PLEKHG1: variants seen among roughly 807,000 people sequenced by gnomAD.
PLEKHG1 encodes pleckstrin homology domain-containing family G member 1.
PLEKHG1 carries 44 observed loss-of-function variants against 100.8 expected under a neutral mutation model. The observed-to-expected ratio is 0.44, with a 90% confidence interval of 0.34 to 0.56. The LOEUF (loss-of-function observed/expected upper bound fraction) is 0.56, where lower values mean the gene tolerates loss of function less well. Among genes scored for constraint, PLEKHG1 ranks in the 20% least tolerant of loss-of-function variants. The pLI is 0.01. For missense variants in PLEKHG1, 1,545 were observed against 1,720.9 expected, an observed-to-expected ratio of 0.90 and a Z score of 1.81; for synonymous variants, 640 against 662.5, an observed-to-expected ratio of 0.97 and a Z score of 0.52.
At chr6:150,761,828 A>G (rs1784175612) in intron 2 of PLEKHG1, among the ~76,000 whole-genome samples, 1 of 152,118 alleles carries the variant, frequency 6.6e-6, no homozygotes, top group Non-Finnish European at 1.5e-5. Context: ...TTCCTGTTCC[A>G]AGTTTCTTTT....
chr6:150,655,859 C>T (rs1778948943), intron 3 of PLEKHG1, among the ~76,000 whole-genome samples: 1 of 151,772 alleles, frequency 6.6e-6, no homozygotes. Flanking sequence ...GAACAGAAAA[C>T]CAAACACCAC....
At chr6:150,675,271 G>T (rs963683056) in intron 3 of PLEKHG1, among the ~76,000 whole-genome samples, 2 of 152,118 alleles carry the variant, frequency 1.3e-5, no homozygotes, top group Non-Finnish European at 1.5e-5. Flanking sequence ...TTAATCTGCA[G>T]ATGGGCAAAC....
At chr6:150,618,919 G>GA (rs1007585254) in intron 1 of PLEKHG1, among the ~76,000 whole-genome samples, 1 of 152,038 alleles carries the variant, frequency 6.6e-6, no homozygotes, top group Admixed American at 6.6e-5. Flanking sequence ...TCTCTATAAA[G>GA]AAAATTTTTT....
intron 1 of PLEKHG1, among the ~76,000 whole-genome samples, chr6:150,727,847 A>G (rs1053208086): frequency 6.6e-6 from 1 of 152,194 alleles, no homozygotes; most frequent in African/African-American, 2.4e-5. Context: ...AAATTCTTAC[A>G]TTGTTGGCCC....
At chr6:150,679,277 T>A (rs1331776334) in intron 3 of PLEKHG1, among the ~76,000 whole-genome samples, 1 of 152,242 alleles carries the variant, frequency 6.6e-6, no homozygotes, top group Non-Finnish European at 1.5e-5. Flanking sequence ...AATCATATAA[T>A]AAATATTAAG....
intron 11 of PLEKHG1, 40 bp from the exon 13 acceptor site, chr6:150,819,639 G>T (rs1410132506): frequency 1.8e-6 from 2 of 1,093,276 alleles, no homozygotes; most frequent in African/African-American, 3.1e-5. Context: ...AGAAGCCCCT[G>T]ACACCACAGT....
chr6:150,685,776 G>T (rs546646569), intron 3 of PLEKHG1, among the ~76,000 whole-genome samples: 71 of 152,222 alleles, frequency 4.7e-4, no homozygotes, highest in Non-Finnish European at 6.8e-4. Context: ...TAGGTGATAC[G>T]GGGAATTTGC....
chr6:150,729,714 G>A (rs1339479692), intron 1 of PLEKHG1, among the ~76,000 whole-genome samples: 8 of 152,164 alleles, frequency 5.3e-5, no homozygotes, highest in Admixed American at 5.2e-4. Flanking sequence ...TGGTAAGCTT[G>A]GCTAAATGCT....
chr6:150,737,524 C>T (rs1477384999), intron 2 of PLEKHG1, among the ~76,000 whole-genome samples: 1 of 152,002 alleles, frequency 6.6e-6, no homozygotes, highest in Non-Finnish European at 1.5e-5. Context: ...GATCTCCTGA[C>T]CTCATGATCC....
At chr6:150,823,719 G>C (rs1312945037) in intron 14 of PLEKHG1, 43 bp downstream of exon 15, 2 of 1,517,854 alleles carry the variant, frequency 1.3e-6, no homozygotes, top group Admixed American at 1.7e-5. Flanking sequence ...TTCACTTCAG[G>C]CACCTTTCAT....
chr6:150,760,903 G>C (rs757061416), intron 2 of PLEKHG1, among the ~76,000 whole-genome samples: 1 of 151,946 alleles, frequency 6.6e-6, no homozygotes, highest in Admixed American at 6.6e-5. Context: ...TTGTAAAAAG[G>C]CCTCTTATAA....
At chr6:150,627,872 A>G (rs1009095824) in intron 1 of PLEKHG1, among the ~76,000 whole-genome samples, 8 of 152,216 alleles carry the variant, frequency 5.3e-5, no homozygotes, top group African/African-American at 1.4e-4. Flanking sequence ...ACTGAAATCC[A>G]AGATTACATA....
chr6:150,840,931 AT>A lies in PLEKHG1; in HGVS notation c.*39del. The A allele has an allele frequency of 2.0e-6, 3 of 1,488,890 alleles. No homozygotes were observed. In the Admixed American group the frequency reaches 5.1e-5, roughly 26 times the overall value. The allele number at this position is 1,488,890 out of a possible 1,614,324, so 92.2% of individuals were successfully genotyped here. Reference sequence around the variant, plus strand: ...TAATAACTGCTTGAATCAACTTCTTATTTTGCTCATAAAACGTTACAGATAC... The same window carrying A: ...TAATAACTGCTTGAATCAACTTCTTATTTGCTCATAAAACGTTACAGATAC... On this transcript the variant is annotated 3_prime_UTR_variant, in exon 16 of 16. Coordinates refer to ENST00000358517, the Ensembl canonical transcript of PLEKHG1.
chr6:150,737,138 C>T (rs1782600943), intron 2 of PLEKHG1, among the ~76,000 whole-genome samples: 1 of 152,194 alleles, frequency 6.6e-6, no homozygotes, highest in African/African-American at 2.4e-5. Flanking sequence ...TCTGTTTTGG[C>T]TATGAGACCA....
chr6:150,828,159 A>G (rs887929258), intron 14 of PLEKHG1: 81 of 1,613,598 alleles, frequency 5.0e-5, no homozygotes, highest in East Asian at 1.8e-4. Context: ...TCTGCCCACG[A>G]TATTTGTTTA....
chr6:150,611,306 C>T (rs1285813316), intron 1 of PLEKHG1, among the ~76,000 whole-genome samples: 1 of 152,214 alleles, frequency 6.6e-6, no homozygotes, highest in African/African-American at 2.4e-5. Context: ...TTGTTATTCT[C>T]ATATTCAGAA....
At chr6:150,703,615 C>A (rs9480547) in intron 3 of PLEKHG1, among the ~76,000 whole-genome samples, 22,142 of 139,410 alleles carry the variant, frequency 0.16, 2,333 homozygotes, top group African/African-American at 0.37. Context: ...AAAAAAAAAA[C>A]AAAACAACTT....
intron 14 of PLEKHG1, among the ~76,000 whole-genome samples, chr6:150,827,277 CTT>C (rs759695142): frequency 2.8e-4 from 36 of 130,260 alleles, no homozygotes; most frequent in Non-Finnish European, 2.5e-4. Flanking sequence ...AAACTGCTTT[CTT>C]TTTTTTTTTT....
chr6:150,785,114 A>C (rs923679135), intron 3 of PLEKHG1, among the ~76,000 whole-genome samples: 1 of 152,184 alleles, frequency 6.6e-6, no homozygotes, highest in Non-Finnish European at 1.5e-5. Flanking sequence ...ACTGAGAGTA[A>C]ATAATACCTA....
Sources: allele counts gnomAD v4.1 joint callset (sites outside exome capture counted in the v4.1 genomes callset), GRCh38; gene constraint gnomAD v4.1.1; transcripts MANE v1.5; gene names NCBI Gene and HGNC (gene_info 2026-07-23, HGNC 2026-07-21).